CCDC136: variants seen among roughly 807,000 people sequenced by gnomAD.
CCDC136 encodes the protein coiled-coil domain-containing protein 136.
In CCDC136, 100 loss-of-function variants were observed where a neutral mutation model predicts 141.2. That is an observed-to-expected ratio of 0.71 (90% CI 0.60 to 0.84). CCDC136 has a LOEUF of 0.84. CCDC136 is among the 40% of genes least tolerant of loss of function. CCDC136 has a pLI of 0.00. For synonymous variants in CCDC136, 474 were observed against 531.9 expected (o/e 0.89, Z 1.50); for missense variants, 1,206 against 1,379.4 (o/e 0.87, Z 1.99).
Position 128,794,886 on chromosome 7 carries a change from A to G in CCDC136, c.346+118A>G, listed in dbSNP as rs2128893924. The G allele has an allele frequency of 2.6e-6, 2 of 761,170 alleles. No homozygotes were observed. Among genetic ancestry groups the G allele is most frequent in the East Asian group, 2.8e-5 (1 of 36,148 alleles). 47.2% of individuals were successfully genotyped at this position (761,170 alleles called of 1,614,324 possible). A position where few individuals can be genotyped will look rare whatever the true frequency, so the allele number is the denominator to read the frequency against. On this transcript the variant is annotated intron_variant, in intron 3 of 17. Coordinates refer to ENST00000297788, the MANE Select transcript of CCDC136 (RefSeq NM_022742.5). This position sits in a 1 kb window ranked among gnomAD's most constrained non-coding sequence, Gnocchi z 4.3. Reference sequence around the variant, plus strand: ...AAAAATAACCAAATTCAGTAATTTCACCTCATTTTCCTCTACTAGTCTCAC... The same window carrying G: ...AAAAATAACCAAATTCAGTAATTTCGCCTCATTTTCCTCTACTAGTCTCAC...
In CCDC136 at chr7:128,809,623, A is replaced by G; in HGVS notation, c.1779A>G (p.Pro593=). ...EELHRLTLPL[P]KSGLLLKSQE... ...TGCACAGGCTCACACTGCCACTGCC[A>G]AAGAGTGGCCTCTTACTCAAGGTAA... Residue 593 remains proline, a synonymous_variant, in exon 11 of 18, where the codon CCA becomes CCG. Coordinates refer to ENST00000297788, the MANE Select transcript of CCDC136 (RefSeq NM_022742.5). 1 of 1,543,168 alleles carries G rather than the reference A, an allele frequency of 6.5e-7. No individual in the cohort carries two copies. Among genetic ancestry groups the G allele is most frequent in the Non-Finnish European group, 8.7e-7 (1 of 1,143,530 alleles).
rs755510365 is a variant in CCDC136, at chr7:128,801,169, A to G, written c.347-17A>G. The G allele has an allele frequency of 3.8e-6, 6 of 1,596,948 alleles. No homozygotes were observed. Among genetic ancestry groups the G allele is most frequent in the Non-Finnish European group, 5.1e-6 (6 of 1,166,692 alleles). On this transcript the variant is annotated splice_polypyrimidine_tract_variant and intron_variant, in intron 3 of 17. Transcript: ENST00000297788. ...TTCACCTGCCCTCTTGATCATCTCA[A>G]CCTTTGGACTTTGCAGGTGAGCTGC...
Position 128,811,881 on chromosome 7 carries a change from C to T in CCDC136, c.2110C>T (p.Gln704Ter), listed in dbSNP as rs1805782293. The change falls in exon 13 of 18, where the codon CAA (glutamine) becomes TAA (stop). Residue 704 changes from glutamine to a stop codon, truncating the protein, a stop_gained. Coordinates refer to ENST00000297788, the MANE Select transcript of CCDC136 (RefSeq NM_022742.5). LOFTEE classifies it high-confidence loss of function. The stretch of plus-strand genomic sequence containing the variant: ...TCAGGCGAAGCAGGAGCTCTTGCAG[C>T]AAGAGCAAGGGAGGCTCCTAGAGGA... ...AGQAKQELLQ[Q>*]EQGRLLEERK... The T allele has an allele frequency of 6.2e-7, 1 of 1,613,394 alleles. No individual in the cohort carries two copies. Among genetic ancestry groups the T allele is most frequent in the Non-Finnish European group, 8.5e-7 (1 of 1,179,602 alleles).
In CCDC136 at chr7:128,792,057, G is replaced by A. The variant is rs1802254505; in HGVS notation, c.-355G>A. 3.9e-6 allele frequency: 5 copies of A among 1,268,760 alleles called. No homozygotes were observed. Among genetic ancestry groups the A allele is most frequent in the South Asian group, 2.0e-5 (1 of 49,084 alleles). The allele number at this position is 1,268,760 out of a possible 1,614,324, so 78.6% of individuals were successfully genotyped here. A position where few individuals can be genotyped will look rare whatever the true frequency, so the allele number is the denominator to read the frequency against. ...TTGGCCCTCTCCTCCCTGTCCCCCC[G>A]GACTAAATACGCACACCCCCTCTTT... On this transcript the variant is annotated 5_prime_UTR_variant, in exon 1 of 18. Coordinates refer to ENST00000297788, the MANE Select transcript of CCDC136 (RefSeq NM_022742.5).
At chr7:128,802,892 T>C (rs561030730) in intron 4 of CCDC136, among the ~76,000 whole-genome samples, 1 of 152,340 alleles carries the variant, frequency 6.6e-6, no homozygotes, top group Admixed American at 6.5e-5. Context: ...ATGTGAAGCA[T>C]GTTGAAATCA....
chr7:128,794,670 A>C lies in CCDC136; in HGVS notation c.272-24A>C. On this transcript the variant is annotated intron_variant, in intron 2 of 17. Coordinates refer to ENST00000297788, the MANE Select transcript of CCDC136 (RefSeq NM_022742.5). This position sits in a 1 kb window ranked among gnomAD's most constrained non-coding sequence, Gnocchi z 4.3. ...CTGCACTCCCCTGGATCCGAGCTTG[A>C]CACTGGTGCCCCTCTCCCTGCAGGG... 6.5e-7 allele frequency: 1 copy of C among 1,546,646 alleles called. No homozygotes were observed. The highest frequency in any genetic ancestry group is 8.7e-7 in the Non-Finnish European group (1 of 1,144,260).
chr7:128,810,169 C>G lies in CCDC136; in HGVS notation c.1831C>G (p.Leu611Val). The G allele has an allele frequency of 6.2e-7, 1 of 1,601,134 alleles. No individual in the cohort carries two copies. Among genetic ancestry groups the G allele is most frequent in the Non-Finnish European group, 8.5e-7 (1 of 1,173,608 alleles). ...SQELLTKLEDLCELQLLYQGM... is the reference protein window; with the variant it reads ...SQELLTKLEDVCELQLLYQGM... The stretch of plus-strand genomic sequence containing the variant: ...GGAGCTACTCACCAAGTTAGAAGAC[C>G]TGTGTGAGCTGCAGCTGCTCTACCA... The change falls in exon 12 of 18, where the codon CTG (leucine) becomes GTG (valine). Residue 611 changes from leucine (L) to valine (V), a missense_variant. By Grantham distance (32) the Leu-to-Val change is conservative (BLOSUM62 1). Transcript: ENST00000297788.
Position 128,806,220 on chromosome 7 carries a change from C to T in CCDC136, c.1090-17C>T. The T allele has an allele frequency of 4.5e-6, 7 of 1,541,386 alleles. No homozygotes were observed. The highest frequency in any genetic ancestry group is 1.4e-5 in the African/African-American group (1 of 72,994). On this transcript the variant is annotated splice_polypyrimidine_tract_variant and intron_variant, in intron 7 of 17. Coordinates refer to ENST00000297788, the MANE Select transcript of CCDC136 (RefSeq NM_022742.5). ...TTCTTGAGAGTAACTGTTCTACTCA[C>T]ATCCTCCCTACCACAGAATGAGGAG...
chr7:128,812,744 C>T lies in CCDC136; in HGVS notation c.2578C>T (p.Leu860=), dbSNP rs778415537. 1 of 1,613,508 alleles carries T rather than the reference C, an allele frequency of 6.2e-7. No individual in the cohort carries two copies. Among genetic ancestry groups the T allele is most frequent in the Non-Finnish European group, 8.5e-7 (1 of 1,179,832 alleles). The part of the protein sequence containing the change: ...EEMVVKVLIK[L]QAVQAMYQIS... ...AATGGTTGTGAAAGTGCTGATCAAG[C>T]TGCAGGCGGTGCAGGCCATGTACCA... is the stretch of plus-strand genomic sequence containing the variant. The change falls in exon 14 of 18, where the codon CTG becomes TTG. Residue 860 remains leucine (L), a synonymous_variant. Transcript: ENST00000297788.
At chr7:128,813,100 G>A (rs1350326638) in intron 14 of CCDC136, among the ~76,000 whole-genome samples, 171 bp downstream of exon 14, 1 of 152,094 alleles carries the variant, frequency 6.6e-6, no homozygotes, top group African/African-American at 2.4e-5. Flanking sequence ...GTGGAGCTGG[G>A]GTTTACTAGT....
rs1807414814 is a variant in CCDC136 at position 128,821,371 on chromosome 7, C to T, written c.*6-428C>T. Among the ~76,000 whole-genome samples, 1 of 152,224 alleles carries T rather than the reference C, an allele frequency of 6.6e-6. No homozygotes were observed. Among genetic ancestry groups the T allele is most frequent in the African/African-American group, 2.4e-5 (1 of 41,454 alleles). On this transcript the variant is annotated intron_variant, in intron 17 of 17. Coordinates refer to ENST00000297788, the MANE Select transcript of CCDC136 (RefSeq NM_022742.5). The surrounding 1 kb of genome is among the most constrained non-coding windows in gnomAD (Gnocchi z 5.1). ...TCATTTCCCCTCAGCCTTATTCCCC[C>T]TTCCCCATCCTCTTGACTCTGAGTT...
At chr7:128,795,181 G>A (rs1802760094) in intron 3 of CCDC136, among the ~76,000 whole-genome samples, 1 of 152,202 alleles carries the variant, frequency 6.6e-6, no homozygotes, top group East Asian at 1.9e-4. Context: ...GCATGGGAAA[G>A]CATGAAGCCA....
At chr7:128,807,063 A>C (rs1804974448) in intron 9 of CCDC136, among the ~76,000 whole-genome samples, 1 of 152,250 alleles carries the variant, frequency 6.6e-6, no homozygotes, top group African/African-American at 2.4e-5. Flanking sequence ...GCATATAAAA[A>C]GGAAGTCCCT....
At chr7:128,809,932 C>T (rs1166847501) in intron 11 of CCDC136, among the ~76,000 whole-genome samples, 1 of 152,188 alleles carries the variant, frequency 6.6e-6, no homozygotes, top group Non-Finnish European at 1.5e-5. Context: ...ACTTTGTAAA[C>T]TACAAAATAT....
intron 5 of CCDC136, 56 bp downstream of exon 5, chr7:128,804,817 C>A: frequency 8.7e-7 from 1 of 1,151,196 alleles, no homozygotes; most frequent in Non-Finnish European, 1.3e-6. Context: ...CTCTGCCTTA[C>A]CTTGGGCTTT....
chr7:128,791,359 G>A (rs1047998769), upstream of CCDC136: 1 of 494,656 alleles, frequency 2.0e-6, no homozygotes, highest in South Asian at 8.2e-5. This position sits in a 1 kb window ranked among gnomAD's most constrained non-coding sequence, Gnocchi z 7.1. Flanking sequence ...AGCGGCGGGG[G>A]GCGGTGTCAG....
At position 128,806,224 on chromosome 7, in the gene CCDC136, C is replaced by T. The variant is rs1483119342; in HGVS notation, c.1090-13C>T. On this transcript the variant is annotated splice_polypyrimidine_tract_variant and intron_variant, in intron 7 of 17. Coordinates refer to ENST00000297788, the MANE Select transcript of CCDC136 (RefSeq NM_022742.5). ...TGAGAGTAACTGTTCTACTCACATC[C>T]TCCCTACCACAGAATGAGGAGCTGA... 2.1e-5 allele frequency: 32 copies of T among 1,544,522 alleles called. No individual in the cohort carries two copies. The highest frequency in any genetic ancestry group is 2.7e-5 in the African/African-American group (2 of 72,982).
chr7:128,814,979 C>T, intron 15 of CCDC136, 60 bp downstream of exon 15: 1 of 1,362,876 alleles, frequency 7.3e-7, no homozygotes, highest in Non-Finnish European at 9.9e-7. Flanking sequence ...TGGGAAGAAG[C>T]ATTGCCTCCA....
In CCDC136 at chr7:128,812,153, C is replaced by T. The variant is rs1189194043; in HGVS notation, c.2382C>T (p.Thr794=). ...KSFLKSYDSS[T]SASEAYGKSY... is the part of the protein sequence containing the mutation. ...TTCTCAAGAGCTATGACAGCAGCACCAGTGCCAGTGAGGCCTATGGGAAGA... is the reference window on the plus strand; with the variant it reads ...TTCTCAAGAGCTATGACAGCAGCACTAGTGCCAGTGAGGCCTATGGGAAGA... Residue 794 remains threonine (T), a synonymous_variant, in exon 13 of 18, where the codon ACC becomes ACT. Coordinates refer to ENST00000297788, the MANE Select transcript of CCDC136 (RefSeq NM_022742.5). 6.2e-7 allele frequency: 1 copy of T among 1,613,924 alleles called. No individual in the cohort carries two copies. The highest frequency in any genetic ancestry group is 8.5e-7 in the Non-Finnish European group (1 of 1,179,906).
Sources: gnomAD v4.1 joint callset for allele counts (sites outside exome capture counted in the v4.1 genomes callset) on GRCh38, gnomAD v4.1.1 for gene constraint, Gnocchi (gnomAD v3.1) non-coding constraint, MANE v1.5 for transcripts, NCBI Gene and HGNC (gene_info 2026-07-23, HGNC 2026-07-21) for gene names.